Variants in DNAL1 observed in about 807,000 individuals in gnomAD.
DNAL1 encodes the protein dynein axonemal light chain 1, also known as chromosome 14 open reading frame 168.
A neutral mutation model predicts 29.4 loss-of-function variants in DNAL1; 17 were observed. The ratio of observed to expected loss-of-function variants is 0.58; its 90% CI spans 0.40 to 0.87. DNAL1 has a LOEUF of 0.87. DNAL1 is among the 40% of genes least tolerant of loss of function. DNAL1 has a pLI of 0.00. For missense variants in DNAL1, 188 were observed against 214.1 expected, an observed-to-expected ratio of 0.88 and a Z score of 0.76; for synonymous variants, 78 against 76.3, an observed-to-expected ratio of 1.02 and a Z score of -0.12.
intron 1 of DNAL1, among the ~76,000 whole-genome samples, chr14:73,653,398 C>T (rs1017565171): frequency 6.6e-6 from 1 of 152,144 alleles, no homozygotes; most frequent in African/African-American, 2.4e-5. Flanking sequence ...GTTGCCCAGG[C>T]TGGAATGTGG....
intron 4 of DNAL1, 144 bp downstream of exon 4, chr14:73,662,186 A>G: frequency 1.5e-6 from 1 of 671,140 alleles, no homozygotes; most frequent in Admixed American, 3.1e-5. Context: ...CTATGTCTTA[A>G]GTTTGATTAT....
intron 7 of DNAL1, among the ~76,000 whole-genome samples, chr14:73,691,850 C>A (rs577659684): frequency 2.2e-5 from 3 of 138,024 alleles, no homozygotes; most frequent in African/African-American, 2.6e-5. Context: ...TGCGCCACCC[C>A]CCCCCCCCAG....
intron 7 of DNAL1, among the ~76,000 whole-genome samples, chr14:73,692,203 C>T (rs1316978447): frequency 2.0e-5 from 3 of 151,004 alleles, no homozygotes; most frequent in Non-Finnish European, 4.4e-5. Context: ...AAATAGAGGC[C>T]GGGTGTAGTG....
At chr14:73,682,962 C>T (rs1409519695) in intron 5 of DNAL1, among the ~76,000 whole-genome samples, 2 of 151,290 alleles carry the variant, frequency 1.3e-5, no homozygotes, top group Non-Finnish European at 1.5e-5. Context: ...CCGCAACCTC[C>T]ACCTCCTGGG....
Position 73,671,553 on chromosome 14 carries a change from A to G in DNAL1, c.220A>G (p.Ile74Val), listed in dbSNP as rs1163501997. The G allele has an allele frequency of 6.7e-7, 1 of 1,492,560 alleles. No homozygotes were observed. Among genetic ancestry groups the G allele is most frequent in the Non-Finnish European group, 9.0e-7 (1 of 1,115,648 alleles). The allele number at this position is 1,492,560 out of a possible 1,614,324, so 92.5% of individuals were successfully genotyped here. A position where few individuals can be genotyped will look rare whatever the true frequency, so the allele number is the denominator to read the frequency against. Residue 74 changes from isoleucine (I) to valine (V), a missense_variant, in exon 5 of 8, where the codon ATA (isoleucine) becomes GTA (valine). Ile to Val is a conservative substitution (Grantham distance 29). Coordinates refer to ENST00000553645, the MANE Select transcript of DNAL1 (RefSeq NM_031427.4). ...TCTTTTCACTACAGAAAACTTGAGGATATTATCTTTAGGAAGAAACAACAT... is the reference window on the plus strand; with the variant it reads ...TCTTTTCACTACAGAAAACTTGAGGGTATTATCTTTAGGAAGAAACAACAT... Reference protein sequence around the residue: ...ANLNGLKNLRILSLGRNNIKN... With the variant: ...ANLNGLKNLRVLSLGRNNIKN...
chr14:73,684,372 T>C (rs1891961879), intron 5 of DNAL1, among the ~76,000 whole-genome samples: 1 of 152,230 alleles, frequency 6.6e-6, no homozygotes, highest in African/African-American at 2.4e-5. Flanking sequence ...GGGTAATTTA[T>C]AGTTTTTGTT....
At chr14:73,681,655 T>TATATATATATA (rs1555402648) in intron 5 of DNAL1, among the ~76,000 whole-genome samples, 16 of 127,234 alleles carry the variant, frequency 1.3e-4, no homozygotes, top group African/African-American at 2.6e-4. Flanking sequence ...TATATATATA[T>TATATATATATA]TAGTTGGGTG....
intron 4 of DNAL1, among the ~76,000 whole-genome samples, chr14:73,667,605 C>T (rs987483791): frequency 3.3e-5 from 5 of 152,084 alleles, no homozygotes; most frequent in Admixed American, 2.0e-4. Flanking sequence ...CTCAAGCGAT[C>T]CTCCCACCTC....
intron 4 of DNAL1, among the ~76,000 whole-genome samples, chr14:73,670,211 T>A (rs746162354): frequency 2.0e-5 from 3 of 152,240 alleles, no homozygotes; most frequent in Non-Finnish European, 4.4e-5. Flanking sequence ...GTTCTTACCA[T>A]TCAATTATGG....
intron 2 of DNAL1, among the ~76,000 whole-genome samples, chr14:73,657,525 T>C (rs762773623): frequency 5.3e-5 from 8 of 152,224 alleles, no homozygotes; most frequent in African/African-American, 7.2e-5. Flanking sequence ...ATGAATAGTT[T>C]GCAAATATTT....
intron 5 of DNAL1, among the ~76,000 whole-genome samples, chr14:73,687,011 T>TG (rs552541899): frequency 2.8e-5 from 2 of 70,344 alleles, no homozygotes; most frequent in African/African-American, 1.1e-4. Context: ...TGTTTTGTGA[T>TG]TTTTTTTTTT....
chr14:73,662,509 TG>T (rs1390306752), intron 4 of DNAL1, among the ~76,000 whole-genome samples: 1 of 152,170 alleles, frequency 6.6e-6, no homozygotes, highest in African/African-American at 2.4e-5. Context: ...TATTCTCTTA[TG>T]GTTCTGGAGA....
intron 1 of DNAL1, among the ~76,000 whole-genome samples, chr14:73,646,023 G>A (rs1890968547): frequency 6.6e-6 from 1 of 152,138 alleles, no homozygotes. Flanking sequence ...AAATGATGAG[G>A]AAGTCATGCC....
intron 7 of DNAL1, among the ~76,000 whole-genome samples, chr14:73,690,372 G>A (rs923827945): frequency 2.6e-5 from 4 of 151,936 alleles, no homozygotes; most frequent in African/African-American, 7.3e-5. Context: ...AAGGAGCCTG[G>A]CCAGGTGCGG....
chr14:73,650,196 T>G (rs1456034783), intron 1 of DNAL1, among the ~76,000 whole-genome samples: 1 of 152,126 alleles, frequency 6.6e-6, no homozygotes, highest in Non-Finnish European at 1.5e-5. Context: ...CACTATATTG[T>G]CCAGGCTAGT....
chr14:73,700,110 G>C lies in DNAL1; in HGVS notation c.*4168G>C, dbSNP rs1344185261. ...CTCATGCCTGTAATCCCAGCACTTTGGGAGGCCGTGGTGGGCAGATCACTT... is the reference window on the plus strand; with the variant it reads ...CTCATGCCTGTAATCCCAGCACTTTCGGAGGCCGTGGTGGGCAGATCACTT... On this transcript the variant is annotated 3_prime_UTR_variant, in exon 8 of 8. Coordinates refer to ENST00000553645, the MANE Select transcript of DNAL1 (RefSeq NM_031427.4). 6.6e-6 allele frequency: 1 copy of C among 152,290 alleles called. No individual in the cohort carries two copies. The highest frequency in any genetic ancestry group is 2.4e-5 in the African/African-American group (1 of 41,458). The allele number at this position is 152,290 out of a possible 1,614,324, so 9.4% of individuals were successfully genotyped here.
At chr14:73,652,624 T>C (rs1192878407) in intron 1 of DNAL1, among the ~76,000 whole-genome samples, 3 of 152,134 alleles carry the variant, frequency 2.0e-5, no homozygotes, top group African/African-American at 7.2e-5. Flanking sequence ...TCAATCAGGC[T>C]TGCCAGGGAT....
At chr14:73,679,928 T>G (rs991800411) in intron 5 of DNAL1, among the ~76,000 whole-genome samples, 1 of 152,054 alleles carries the variant, frequency 6.6e-6, no homozygotes, top group Non-Finnish European at 1.5e-5. Flanking sequence ...AAGTCTCTTT[T>G]TCCTACTGTT....
At chr14:73,679,534 A>G (rs920324308) in intron 5 of DNAL1, among the ~76,000 whole-genome samples, 3 of 152,192 alleles carry the variant, frequency 2.0e-5, no homozygotes, top group African/African-American at 4.8e-5. Flanking sequence ...GCAGAAGGAA[A>G]GGGGAGGCAG....
Sources: allele counts gnomAD v4.1 joint callset (sites outside exome capture counted in the v4.1 genomes callset), GRCh38; gene constraint gnomAD v4.1.1; transcripts MANE v1.5; gene names NCBI Gene and HGNC (gene_info 2026-07-23, HGNC 2026-07-21).